Variants in ADAMTSL1 observed in about 807,000 individuals in gnomAD.
The protein encoded by ADAMTSL1 is ADAMTS-like protein 1.
A neutral mutation model predicts 201.8 loss-of-function variants in ADAMTSL1; 126 were observed. The ratio of observed to expected loss-of-function variants is 0.62; its 90% CI spans 0.54 to 0.72. The LOEUF is 0.72. ADAMTSL1 is among the 30% of genes least tolerant of loss of function. The pLI, the probability that ADAMTSL1 is intolerant of heterozygous loss-of-function variation, is 0.00. For missense variants in ADAMTSL1, 2,679 were observed against 2,277.8 expected (o/e 1.18, Z -3.59); for synonymous variants, 1,121 against 903.4 (o/e 1.24, Z -4.32).
chr9:18,753,592 C>T (rs2133613000), intron 16 of ADAMTSL1, 84 bp downstream of exon 16: 1 of 1,453,498 alleles, frequency 6.9e-7, no homozygotes, highest in Admixed American at 2.0e-5. Context: ...GTGGTTTTGT[C>T]CAGGGATGTT....
chr9:18,079,669 G>C (rs751689870), intron 1 of ADAMTSL1, among the ~76,000 whole-genome samples: 3 of 150,158 alleles, frequency 2.0e-5, no homozygotes, highest in African/African-American at 4.9e-5. Flanking sequence ...GAGACAGAGC[G>C]AGACTCTGTC....
intron 2 of ADAMTSL1, among the ~76,000 whole-genome samples, chr9:18,450,888 C>T (rs922607814): frequency 1.3e-5 from 2 of 152,158 alleles, no homozygotes; most frequent in African/African-American, 2.4e-5. Flanking sequence ...TAAAGCCATG[C>T]TTTGCTTTTA....
At chr9:18,350,912 T>C (rs959496161) in intron 2 of ADAMTSL1, among the ~76,000 whole-genome samples, 24 of 152,176 alleles carry the variant, frequency 1.6e-4, no homozygotes, top group South Asian at 2.1e-4. Context: ...AAGAACTTCA[T>C]AGAATTTTGT....
intron 20 of ADAMTSL1, among the ~76,000 whole-genome samples, chr9:18,800,451 C>T (rs1407503479): frequency 2.0e-5 from 3 of 146,736 alleles, no homozygotes; most frequent in African/African-American, 5.1e-5. Flanking sequence ...ATGGTAATAG[C>T]GACTGACTGA....
chr9:18,265,517 A>G (rs1323959777), intron 2 of ADAMTSL1, among the ~76,000 whole-genome samples: 6 of 152,192 alleles, frequency 3.9e-5, no homozygotes, highest in African/African-American at 1.2e-4. Flanking sequence ...CCTAGCACCA[A>G]TAGAGTCTCA....
intron 2 of ADAMTSL1, among the ~76,000 whole-genome samples, chr9:18,192,491 G>T (rs952788128): frequency 6.6e-6 from 1 of 152,122 alleles, no homozygotes; most frequent in African/African-American, 2.4e-5. Context: ...ATGTTGAGTG[G>T]AGTATTAAGC....
At chr9:18,711,429 C>T (rs1832589978) in intron 14 of ADAMTSL1, among the ~76,000 whole-genome samples, 1 of 152,250 alleles carries the variant, frequency 6.6e-6, no homozygotes, top group South Asian at 2.1e-4. Context: ...CATTGCCTCA[C>T]TCGGGAAGCG....
At chr9:18,425,178 G>C (rs1030299595) in intron 2 of ADAMTSL1, among the ~76,000 whole-genome samples, 1 of 145,134 alleles carries the variant, frequency 6.9e-6, no homozygotes, top group Admixed American at 7.0e-5. Flanking sequence ...CCCTCTCTTC[G>C]TTTCCTCCCT....
chr9:18,085,576 CACACTGTGTGTGTGTATACGTATAT>C (rs1042363623), intron 1 of ADAMTSL1, among the ~76,000 whole-genome samples: 3 of 148,114 alleles, frequency 2.0e-5, no homozygotes, highest in Non-Finnish European at 4.5e-5. Flanking sequence ...TACATATATA[CACACTGTGTGTGTGTATACGTATAT>C]ACACTGTGTG....
intron 2 of ADAMTSL1, among the ~76,000 whole-genome samples, chr9:18,171,533 C>CA (rs1043275589): frequency 4.0e-5 from 6 of 151,880 alleles, no homozygotes; most frequent in Admixed American, 2.6e-4. Context: ...ACATAACTGG[C>CA]AAAAAAATAT....
At chr9:18,096,565 G>A (rs1824262535) in intron 1 of ADAMTSL1, among the ~76,000 whole-genome samples, 2 of 152,332 alleles carry the variant, frequency 1.3e-5, no homozygotes, top group African/African-American at 4.8e-5. Context: ...GTTACGTGAA[G>A]CATGTTCTCT....
chr9:18,714,763 A>G (rs1284113193), intron 14 of ADAMTSL1, among the ~76,000 whole-genome samples: 4 of 152,060 alleles, frequency 2.6e-5, no homozygotes, highest in African/African-American at 4.8e-5. Flanking sequence ...CCAGTATCAT[A>G]CTGATACCAA....
intron 4 of ADAMTSL1, among the ~76,000 whole-genome samples, chr9:18,617,160 T>TATGGGAAA (rs1461797431): frequency 6.6e-6 from 1 of 152,234 alleles, no homozygotes; most frequent in African/African-American, 2.4e-5. Flanking sequence ...TTGAGTTCCT[T>TATGGGAAA]ATGGGAAACC....
intron 20 of ADAMTSL1, among the ~76,000 whole-genome samples, chr9:18,813,095 G>T (rs1823612032): frequency 6.6e-6 from 1 of 151,192 alleles, no homozygotes; most frequent in Admixed American, 6.6e-5. Context: ...AGCTTCCCAA[G>T]TAGCTGGGAG....
chr9:18,595,304 G>T (rs1315149336), intron 4 of ADAMTSL1, among the ~76,000 whole-genome samples: 1 of 152,134 alleles, frequency 6.6e-6, no homozygotes, highest in Non-Finnish European at 1.5e-5. Context: ...TGAGAAGGAG[G>T]CTGGTGGTCT....
rs372232826 is a variant in ADAMTSL1 at position 18,770,770 on chromosome 9, G to C, written c.2386G>C (p.Asp796His). ...DDCPSEWLLS[D>H]WTECSTSCGE... ...CTGTCCCAGCGAGTGGCTTCTCTCA[G>C]ACTGGACAGAGGTATGTATGTTCCT... is the stretch of plus-strand genomic sequence containing the variant. Residue 796 changes from aspartate to histidine, a missense_variant, in exon 17 of 29, where the codon GAC (aspartate) becomes CAC (histidine). Coordinates refer to ENST00000380548, the MANE Select transcript of ADAMTSL1 (RefSeq NM_001040272.6). The C allele has an allele frequency of 2.5e-6, 4 of 1,613,788 alleles. No homozygotes were observed. In the African/African-American group the frequency reaches 5.3e-5, roughly 22 times the overall value.
intron 2 of ADAMTSL1, among the ~76,000 whole-genome samples, chr9:18,528,777 G>A (rs1341059): frequency 2.0e-5 from 3 of 151,862 alleles, no homozygotes; most frequent in East Asian, 3.9e-4. Flanking sequence ...CTGAACTCCC[G>A]AAACACAGTG....
chr9:18,284,579 G>C (rs1587467910), intron 2 of ADAMTSL1, among the ~76,000 whole-genome samples: 1 of 152,176 alleles, frequency 6.6e-6, no homozygotes, highest in Non-Finnish European at 1.5e-5. Context: ...GCAGCACCAG[G>C]TTTTGTAACC....
intron 1 of ADAMTSL1, among the ~76,000 whole-genome samples, chr9:18,147,249 A>T (rs1227525815): frequency 6.6e-6 from 1 of 152,124 alleles, no homozygotes; most frequent in East Asian, 1.9e-4. Flanking sequence ...AACCTAGACT[A>T]ATTTTTGATA....
Sources: gnomAD v4.1 joint callset for allele counts (sites outside exome capture counted in the v4.1 genomes callset) on GRCh38, gnomAD v4.1.1 for gene constraint, MANE v1.5 for transcripts, NCBI Gene and HGNC (gene_info 2026-07-23, HGNC 2026-07-21) for gene names.